Variants in PSEN1 observed in about 807,000 individuals in gnomAD.
PSEN1 encodes the protein presenilin 1, also known as presenilin-1.
In PSEN1, 15 loss-of-function variants were observed where a neutral mutation model predicts 53.5. That is an observed-to-expected ratio of 0.28 (90% CI 0.19 to 0.43). The LOEUF is 0.43. PSEN1 is among the 20% of genes least tolerant of loss of function. The probability of loss-of-function intolerance (pLI) is 1.00; values close to 1 mark genes in which losing one functional copy is unlikely to be tolerated. For synonymous variants in PSEN1, 208 were observed against 209.8 expected (o/e 0.99, Z 0.08); for missense variants, 387 against 571.2 (o/e 0.68, Z 3.29).
In PSEN1 at chr14:73,209,743, A is replaced by G. The variant is rs143206356; in HGVS notation, c.956-2026A>G. ...AAGTCAAGGGGTGCTTCCCTGAGGA[A>G]GTGGTAATAGGGGACGGCCCGCTGA... On this transcript the variant is annotated intron_variant, in intron 9 of 11. Coordinates refer to ENST00000324501, the MANE Select transcript of PSEN1 (RefSeq NM_000021.4). 2.6e-5 allele frequency among the ~76,000 whole-genome samples: 4 copies of G among 152,292 alleles called. No individual in the cohort carries two copies. In the East Asian group the frequency reaches 7.7e-4, roughly 29 times the overall value.
chr14:73,139,407 C>G (rs1051618103), intron 1 of PSEN1: 2 of 151,966 alleles, frequency 1.3e-5, no homozygotes, highest in East Asian at 3.9e-4. Flanking sequence ...TGGTGAGACC[C>G]TGTGTCTACT....
At chr14:73,178,701 C>T (rs1263497357) in intron 5 of PSEN1, among the ~76,000 whole-genome samples, 1 of 152,072 alleles carries the variant, frequency 6.6e-6, no homozygotes, top group Non-Finnish European at 1.5e-5. Flanking sequence ...TCCTATATAG[C>T]CCGTCTTTAC....
At chr14:73,192,608 T>A in intron 6 of PSEN1, 36 bp from the exon 7 acceptor site, 1 of 1,396,586 alleles carries the variant, frequency 7.2e-7, no homozygotes, top group East Asian at 2.3e-5. Context: ...TGAAAATTAT[T>A]GTACATCTTT....
At chr14:73,139,675 A>G (rs1039808441) in intron 1 of PSEN1, among the ~76,000 whole-genome samples, 5 of 152,250 alleles carry the variant, frequency 3.3e-5, no homozygotes, top group East Asian at 1.9e-4. Flanking sequence ...TTATTTCAAT[A>G]TCTAACCAGT....
intron 3 of PSEN1, among the ~76,000 whole-genome samples, chr14:73,164,966 T>G (rs1260432283): frequency 6.6e-6 from 1 of 150,522 alleles, no homozygotes; most frequent in African/African-American, 2.4e-5. Context: ...CTTTTTTTTG[T>G]TTTTTTTTGA....
intron 8 of PSEN1, chr14:73,206,114 C>T (rs1471388975): frequency 1.6e-5 from 7 of 446,024 alleles, no homozygotes; most frequent in Admixed American, 3.6e-5. Context: ...AACAGTTTTC[C>T]TTCTGGTTCC....
At chr14:73,163,931 A>T (rs1439719459) in intron 3 of PSEN1, among the ~76,000 whole-genome samples, 2 of 137,436 alleles carry the variant, frequency 1.5e-5, no homozygotes, top group Non-Finnish European at 3.0e-5. Flanking sequence ...CATTTTGTTT[A>T]AAAAAAAAAA....
At chr14:73,203,351 G>A (rs1472605771) in intron 8 of PSEN1, among the ~76,000 whole-genome samples, 1 of 152,142 alleles carries the variant, frequency 6.6e-6, no homozygotes, top group Non-Finnish European at 1.5e-5. Flanking sequence ...CCCTCCCAAA[G>A]TGCTGGGATT....
At chr14:73,188,557 G>A (rs1898600201) in intron 6 of PSEN1, among the ~76,000 whole-genome samples, 1 of 152,152 alleles carries the variant, frequency 6.6e-6, no homozygotes, top group Non-Finnish European at 1.5e-5. Context: ...TAAGGCGGGA[G>A]GATGGCTTCA....
chr14:73,145,512 T>G (rs1056369340), intron 1 of PSEN1, among the ~76,000 whole-genome samples: 2 of 151,392 alleles, frequency 1.3e-5, no homozygotes, highest in Admixed American at 6.6e-5. Flanking sequence ...ATTTTTTTTG[T>G]ATTTTTAGTA....
In PSEN1 at chr14:73,146,764, G is replaced by A. The variant is rs116296065; in HGVS notation, c.-135-1031G>A. Among the ~76,000 whole-genome samples the A allele has an allele frequency of 3.8e-3, 579 of 152,266 alleles. 6 individuals are homozygous for A. Among genetic ancestry groups the A allele is most frequent in the African/African-American group, 0.013 (526 of 41,526 alleles). On this transcript the variant is annotated intron_variant, in intron 1 of 11. Coordinates refer to ENST00000324501, the MANE Select transcript of PSEN1 (RefSeq NM_000021.4). Reference sequence around the variant, plus strand: ...GATGTTAAAAGTGAAAATGAAATAGGACATTGAGAAAATTTTTTTATGTAA... The same window carrying A: ...GATGTTAAAAGTGAAAATGAAATAGAACATTGAGAAAATTTTTTTATGTAA...
intron 5 of PSEN1, among the ~76,000 whole-genome samples, chr14:73,179,511 G>T (rs939186039): frequency 1.3e-5 from 2 of 152,168 alleles, no homozygotes; most frequent in Non-Finnish European, 2.9e-5. Flanking sequence ...CAGTTACTCA[G>T]GAGGCTGAGG....
At chr14:73,152,549 G>A (rs529791989) in intron 3 of PSEN1, among the ~76,000 whole-genome samples, 2 of 152,020 alleles carry the variant, frequency 1.3e-5, no homozygotes, top group South Asian at 4.2e-4. Flanking sequence ...AGAGGTTGCA[G>A]TGAGCTGAGA....
At chr14:73,212,342 A>G (rs1019887555) in intron 10 of PSEN1, among the ~76,000 whole-genome samples, 2 of 151,626 alleles carry the variant, frequency 1.3e-5, no homozygotes, top group Non-Finnish European at 2.9e-5. Flanking sequence ...AACTCCTGAC[A>G]TCATGATCTG....
rs398043836 is a variant in PSEN1, at chr14:73,212,088, C to CTTTTTTTTT, written c.1129+179_1129+187dup. The CTTTTTTTTT allele has an allele frequency of 9.6e-4, 68 of 70,574 alleles. 31 individuals are homozygous for CTTTTTTTTT. The highest frequency in any genetic ancestry group is 1.5e-3 in the Non-Finnish European group (58 of 37,892). The allele number at this position is 70,574 out of a possible 1,614,324, so 4.4% of individuals were successfully genotyped here. A position where few individuals can be genotyped will look rare whatever the true frequency, so the allele number is the denominator to read the frequency against. On this transcript the variant is annotated intron_variant, in intron 10 of 11. Coordinates refer to ENST00000324501, the MANE Select transcript of PSEN1 (RefSeq NM_000021.4). Reference sequence around the variant, plus strand: ...TTATTTGGATATATCAGTAATAGTGCTTTTTTTTTTTTTTTTTTTTTTTTT... The same window carrying CTTTTTTTTT: ...TTATTTGGATATATCAGTAATAGTGCTTTTTTTTTTTTTTTTTTTTTTTTTTTTTTTTTT...
chr14:73,209,569 CT>C (rs1316927659), intron 9 of PSEN1, among the ~76,000 whole-genome samples: 1 of 152,184 alleles, frequency 6.6e-6, no homozygotes, highest in Non-Finnish European at 1.5e-5. Context: ...AAGATTTCCC[CT>C]GCCCTTGTGG....
At chr14:73,155,340 G>T (rs1303718877) in intron 3 of PSEN1, among the ~76,000 whole-genome samples, 1 of 152,120 alleles carries the variant, frequency 6.6e-6, no homozygotes, top group Non-Finnish European at 1.5e-5. Flanking sequence ...GAAGTTTATA[G>T]CAATTAACTT....
At chr14:73,188,365 T>TA (rs1898592486) in intron 6 of PSEN1, among the ~76,000 whole-genome samples, 1 of 152,182 alleles carries the variant, frequency 6.6e-6, no homozygotes, top group South Asian at 2.1e-4. Context: ...CCTTAATAAA[T>TA]AGACGGGGTC....
At chr14:73,204,143 C>T (rs930634749) in intron 8 of PSEN1, among the ~76,000 whole-genome samples, 2 of 152,214 alleles carry the variant, frequency 1.3e-5, no homozygotes, top group East Asian at 3.9e-4. Context: ...GGATTATAGA[C>T]ATGCACCACC....
Sources: allele counts gnomAD v4.1 joint callset (sites outside exome capture counted in the v4.1 genomes callset), GRCh38; gene constraint gnomAD v4.1.1; transcripts MANE v1.5; gene names NCBI Gene and HGNC (gene_info 2026-07-23, HGNC 2026-07-21).